The following CASD1 variants were observed in gnomAD, a reference collection of about 807,000 sequenced individuals.
CASD1 encodes the protein N-acetylneuraminate (7)9-O-acetyltransferase.
Under a neutral mutation model 100.0 loss-of-function variants are expected in CASD1, and 41 were observed. The observed-to-expected ratio is 0.41, with a 90% CI of 0.32 to 0.53. CASD1 has a LOEUF of 0.53. Among genes scored for constraint, CASD1 ranks in the 20% least tolerant of loss-of-function variants. CASD1 has a pLI of 0.25. For synonymous variants in CASD1, 321 were observed against 315.6 expected (o/e 1.02, Z -0.18); for missense variants, 774 against 948.7 (o/e 0.82, Z 2.42).
the CASD1 span, among the ~76,000 whole-genome samples, chr7:94,609,007 T>C: frequency 6.6e-6 from 1 of 152,202 alleles, no homozygotes; most frequent in East Asian, 1.9e-4. Flanking sequence ...TTGGATTTGA[T>C]GATGATTTTT....
the CASD1 span, among the ~76,000 whole-genome samples, chr7:94,601,305 G>C: frequency 6.0e-5 from 9 of 149,302 alleles, no homozygotes; most frequent in African/African-American, 2.2e-4. Context: ...AAAGAAAAAA[G>C]GAAAAAAAAA....
chr7:94,580,768 T>C, the CASD1 span, among the ~76,000 whole-genome samples: 1 of 152,264 alleles, frequency 6.6e-6, no homozygotes, highest in African/African-American at 2.4e-5. Flanking sequence ...CTTTTGCTCA[T>C]ACTTGGAATA....
chr7:94,521,362 T>G (rs929343935), intron 3 of CASD1, among the ~76,000 whole-genome samples: 5 of 152,212 alleles, frequency 3.3e-5, no homozygotes, highest in African/African-American at 4.8e-5. Flanking sequence ...TATATAAATC[T>G]AAACAATGTT....
rs1796217263 is a variant in CASD1 at position 94,556,670 on chromosome 7, T to C, written c.*912T>C. ...TTAAATATTTATCAGTCTAAACTTG[T>C]GCAGTGTAGTAAACATGCAAGTTGT... On this transcript the variant is annotated 3_prime_UTR_variant, in exon 18 of 18. Coordinates refer to ENST00000297273, the MANE Select transcript of CASD1 (RefSeq NM_022900.5). 6.6e-6 allele frequency: 1 copy of C among 152,070 alleles called. No individual in the cohort carries two copies. The highest frequency in any genetic ancestry group is 1.5e-5 in the Non-Finnish European group (1 of 67,924). 9.4% of individuals were successfully genotyped at this position (152,070 alleles called of 1,614,324 possible).
the CASD1 span, chr7:94,587,605 GTTCC>G: frequency 7.2e-7 from 1 of 1,381,580 alleles, no homozygotes; most frequent in Non-Finnish European, 9.3e-7. Context: ...AACAAAGTTT[GTTCC>G]TTCATCAATC....
downstream of CASD1, among the ~76,000 whole-genome samples, chr7:94,561,839 G>A (rs1333749709): frequency 1.3e-5 from 2 of 152,084 alleles, no homozygotes; most frequent in Admixed American, 6.6e-5. Flanking sequence ...AGGAATGTTA[G>A]GGATTTGCTT....
At chr7:94,597,994 C>T in the CASD1 span, 1 of 163,538 alleles carries the variant, frequency 6.1e-6, no homozygotes, top group South Asian at 1.7e-4. Flanking sequence ...GCAACAGGAG[C>T]GAAACTCCAT....
chr7:94,512,497 T>C (rs2116160102), intron 1 of CASD1, among the ~76,000 whole-genome samples: 1 of 152,324 alleles, frequency 6.6e-6, no homozygotes, highest in African/African-American at 2.4e-5. Flanking sequence ...ATATTCAGTA[T>C]CTCTTGCTTT....
chr7:94,527,316 T>A (rs1794624804), intron 4 of CASD1, 110 bp downstream of exon 4: 1 of 778,360 alleles, frequency 1.3e-6, no homozygotes, highest in African/African-American at 1.8e-5. Flanking sequence ...GATAAGAATA[T>A]TAGGATAGTG....
At chr7:94,543,196 T>C (rs952131553) in intron 10 of CASD1, among the ~76,000 whole-genome samples, 3 of 152,022 alleles carry the variant, frequency 2.0e-5, no homozygotes, top group South Asian at 2.1e-4. Context: ...GTAGAACTTA[T>C]GGTCTAAGTT....
chr7:94,522,744 A>G lies in CASD1; in HGVS notation c.352-4418A>G, dbSNP rs545834051. Among the ~76,000 whole-genome samples, 581 of 150,596 alleles carry G rather than the reference A, an allele frequency of 3.9e-3. 5 individuals are homozygous for G. The highest frequency in any genetic ancestry group is 0.014 in the African/African-American group (564 of 40,912). On this transcript the variant is annotated intron_variant, in intron 3 of 17. Coordinates refer to ENST00000297273, the MANE Select transcript of CASD1 (RefSeq NM_022900.5). ...GTGATCTCAGCTCACTGCAAGCTCT[A>G]CCTCCCGGGTTCACGCCATTCTCCC...
chr7:94,566,634 G>A, the CASD1 span, among the ~76,000 whole-genome samples: 2 of 152,066 alleles, frequency 1.3e-5, no homozygotes, highest in African/African-American at 4.8e-5. Context: ...AGTTTAACTT[G>A]GAGGGTGCAT....
At chr7:94,594,188 C>A in the CASD1 span, among the ~76,000 whole-genome samples, 1 of 152,054 alleles carries the variant, frequency 6.6e-6, no homozygotes, top group Non-Finnish European at 1.5e-5. Flanking sequence ...GATGTGAAGT[C>A]TTTGGTCACA....
chr7:94,582,181 G>C, the CASD1 span, among the ~76,000 whole-genome samples: 1 of 152,126 alleles, frequency 6.6e-6, no homozygotes, highest in Non-Finnish European at 1.5e-5. Context: ...GCAGTGGCAC[G>C]ATCTCAGCTC....
chr7:94,523,726 G>A (rs1335144398), intron 3 of CASD1, among the ~76,000 whole-genome samples: 2 of 152,050 alleles, frequency 1.3e-5, no homozygotes, highest in African/African-American at 2.4e-5. Context: ...TTTTATAGAT[G>A]GGCAGCAGAC....
At chr7:94,541,213 CAT>C (rs1392621562) in intron 10 of CASD1, among the ~76,000 whole-genome samples, 1 of 151,888 alleles carries the variant, frequency 6.6e-6, no homozygotes, top group Non-Finnish European at 1.5e-5. Context: ...TTATAACAAA[CAT>C]ATTTGGGGAC....
At chr7:94,613,945 T>G in the CASD1 span, among the ~76,000 whole-genome samples, 2 of 151,794 alleles carry the variant, frequency 1.3e-5, no homozygotes, top group Non-Finnish European at 2.9e-5. Context: ...AAATAAAGAA[T>G]GAAAGATGTA....
the CASD1 span, among the ~76,000 whole-genome samples, chr7:94,601,186 AC>A: frequency 4.6e-5 from 7 of 152,018 alleles, no homozygotes; most frequent in African/African-American, 1.4e-4. Context: ...AGTCCTTTAC[AC>A]TACCATGTAA....
the CASD1 span, chr7:94,599,444 G>A: frequency 6.2e-6 from 3 of 480,262 alleles, no homozygotes; most frequent in Admixed American, 1.1e-4. Flanking sequence ...AATATAAATG[G>A]TAAGTTAATA....
Sources: allele counts gnomAD v4.1 joint callset (sites outside exome capture counted in the v4.1 genomes callset), GRCh38; gene constraint gnomAD v4.1.1; transcripts MANE v1.5; gene names NCBI Gene and HGNC (gene_info 2026-07-23, HGNC 2026-07-21).